BMAL1: variants seen among roughly 807,000 people sequenced by gnomAD.
The protein encoded by BMAL1 is basic helix-loop-helix ARNT like 1.
At chr11:13,357,290 T>A in the BMAL1 span, among the ~76,000 whole-genome samples, 1 of 152,258 alleles carries the variant, frequency 6.6e-6, no homozygotes, top group Non-Finnish European at 1.5e-5. The surrounding 1 kb of genome is among the most constrained non-coding windows in gnomAD (Gnocchi z 4.8). Context: ...GGCTGGCCTT[T>A]ACTCTTTGCT....
chr11:13,380,222 T>G, the BMAL1 span: 1 of 152,202 alleles, frequency 6.6e-6, no homozygotes, highest in Non-Finnish European at 1.5e-5. Context: ...TGAGAATACA[T>G]GATATGTAGT....
the BMAL1 span, chr11:13,356,648 T>C: frequency 6.8e-6 from 10 of 1,478,706 alleles, no homozygotes; most frequent in Non-Finnish European, 9.3e-6. Flanking sequence ...TTGTTTGGTT[T>C]CTGGATAAAT....
chr11:13,383,915 T>C, the BMAL1 span, among the ~76,000 whole-genome samples: 1 of 152,074 alleles, frequency 6.6e-6, no homozygotes, highest in Non-Finnish European at 1.5e-5. Context: ...TCATTACTTT[T>C]ATAAAATTCT....
the BMAL1 span, among the ~76,000 whole-genome samples, chr11:13,318,780 G>T: frequency 3.9e-5 from 6 of 151,972 alleles, no homozygotes; most frequent in African/African-American, 1.4e-4. Flanking sequence ...CACTCTAGGG[G>T]AGGGGGGCCC....
At chr11:13,355,430 T>A in the BMAL1 span, 1,260 of 894,886 alleles carry the variant, frequency 1.4e-3, 25 homozygotes, top group South Asian at 0.018. Flanking sequence ...AAACCCTTTG[T>A]CTTGAGCAAG....
chr11:13,358,939 T>C, the BMAL1 span, among the ~76,000 whole-genome samples: 6 of 152,224 alleles, frequency 3.9e-5, no homozygotes, highest in African/African-American at 1.4e-4. Flanking sequence ...CTTACAATTA[T>C]AACACGCAGA....
At chr11:13,322,776 G>GTTTT in the BMAL1 span, among the ~76,000 whole-genome samples, 8 of 104,900 alleles carry the variant, frequency 7.6e-5, no homozygotes, top group East Asian at 3.5e-4. Flanking sequence ...TTGTGAGCAA[G>GTTTT]TCTTTTTTTT....
the BMAL1 span, among the ~76,000 whole-genome samples, chr11:13,310,585 T>A: frequency 1.3e-5 from 2 of 152,198 alleles, no homozygotes; most frequent in East Asian, 3.9e-4. Flanking sequence ...GTAGGCCATG[T>A]GGTCTCTGTC....
the BMAL1 span, among the ~76,000 whole-genome samples, chr11:13,339,228 T>C: frequency 2.6e-5 from 4 of 152,072 alleles, no homozygotes; most frequent in African/African-American, 7.2e-5. Context: ...ATAGCAAGAG[T>C]TGACTTTTTG....
chr11:13,304,794 G>A, the BMAL1 span, among the ~76,000 whole-genome samples: 15 of 152,302 alleles, frequency 9.8e-5, no homozygotes, highest in South Asian at 3.1e-3. Flanking sequence ...TGGCTGAAGG[G>A]TAACAACCCA....
chr11:13,316,579 TGAAA>T, the BMAL1 span, among the ~76,000 whole-genome samples: 1 of 152,138 alleles, frequency 6.6e-6, no homozygotes, highest in South Asian at 2.1e-4. Context: ...TGCAGTGATG[TGAAA>T]ACCCTACCTA....
chr11:13,366,925 C>T, the BMAL1 span: 1 of 510,216 alleles, frequency 2.0e-6, no homozygotes, highest in South Asian at 3.4e-5. Flanking sequence ...CCAGAGCTAT[C>T]TTTGGCTAAA....
At chr11:13,348,161 A>G in the BMAL1 span, among the ~76,000 whole-genome samples, 3 of 152,228 alleles carry the variant, frequency 2.0e-5, no homozygotes, top group Non-Finnish European at 2.9e-5. Flanking sequence ...AAAGGAAAGC[A>G]GGAGTTTATC....
the BMAL1 span, among the ~76,000 whole-genome samples, chr11:13,278,295 C>T: frequency 6.6e-6 from 1 of 152,226 alleles, no homozygotes; most frequent in African/African-American, 2.4e-5. Context: ...GAGGGGGCAG[C>T]TAGCTGCCTC....
At chr11:13,288,417 T>TG in the BMAL1 span, among the ~76,000 whole-genome samples, 3 of 44,378 alleles carry the variant, frequency 6.8e-5, no homozygotes, top group East Asian at 5.3e-4. Context: ...TTTCTTTCTT[T>TG]TTTTTTCTTT....
chr11:13,374,954 ACT>A, the BMAL1 span, among the ~76,000 whole-genome samples: 1 of 152,154 alleles, frequency 6.6e-6, no homozygotes, highest in Non-Finnish European at 1.5e-5. Context: ...CTCCAGGCAC[ACT>A]GACCTCACTG....
the BMAL1 span, chr11:13,349,853 A>G: frequency 6.6e-6 from 1 of 152,186 alleles, no homozygotes; most frequent in Non-Finnish European, 1.5e-5. Context: ...TGAACCATCT[A>G]CACCATCTCC....
At chr11:13,365,664 T>A in the BMAL1 span, 5 of 1,250,142 alleles carry the variant, frequency 4.0e-6, no homozygotes, top group East Asian at 1.2e-4. Flanking sequence ...TTTGTCAGAA[T>A]AATTATAGTA....
At chr11:13,284,174 ATATGTG>A in the BMAL1 span, among the ~76,000 whole-genome samples, 2 of 35,978 alleles carry the variant, frequency 5.6e-5, no homozygotes, top group Admixed American at 2.8e-4. Flanking sequence ...GTATATATAT[ATATGTG>A]TATATATATA....
Sources: gnomAD v4.1 joint callset for allele counts (sites outside exome capture counted in the v4.1 genomes callset) on GRCh38, gnomAD v4.1.1 for gene constraint, Gnocchi (gnomAD v3.1) non-coding constraint, MANE v1.5 for transcripts, NCBI Gene and HGNC (gene_info 2026-07-23, HGNC 2026-07-21) for gene names.